Variants in VPS41 observed in about 807,000 individuals in gnomAD.
The protein encoded by VPS41 is vacuolar protein sorting-associated protein 41 homolog.
A neutral mutation model predicts 130.9 loss-of-function variants in VPS41; 85 were observed. The observed-to-expected ratio is 0.65, with a 90% CI of 0.55 to 0.78. The LOEUF is 0.78. Ranked by LOEUF, VPS41 falls within the 30% of genes least tolerant of loss-of-function variation. The pLI is 0.00. For synonymous variants in VPS41, 335 were observed against 332.9 expected (o/e 1.01, Z -0.07); for missense variants, 874 against 1,018.7 (o/e 0.86, Z 1.93).
At position 38,853,784 on chromosome 7, in the gene VPS41, G is replaced by A. The variant is rs372386466; in HGVS notation, c.246+8761C>T. 2.7e-4 allele frequency among the ~76,000 whole-genome samples: 41 copies of A among 152,270 alleles called. 1 individual carries two copies. The highest frequency in any genetic ancestry group is 8.4e-4 in the African/African-American group (35 of 41,550). ...TGACTTTGAAATATGTGAAATACCA[G>A]GGTAATTTCATTCAGTGAAGGAATA... is the stretch of plus-strand genomic sequence containing the variant. On this transcript the variant is annotated intron_variant, in intron 4 of 28. Coordinates refer to ENST00000310301, the MANE Select transcript of VPS41 (RefSeq NM_014396.4).
At chr7:38,887,865 G>A (rs1786769045) in intron 2 of VPS41, among the ~76,000 whole-genome samples, 1 of 152,086 alleles carries the variant, frequency 6.6e-6, no homozygotes, top group Admixed American at 6.5e-5. Context: ...AGAGAGTGGG[G>A]GCCAATATTC....
chr7:38,856,662 C>A (rs1250656559), intron 4 of VPS41, among the ~76,000 whole-genome samples: 1 of 152,084 alleles, frequency 6.6e-6, no homozygotes, highest in Non-Finnish European at 1.5e-5. Flanking sequence ...GGCAACTATC[C>A]TCCAAGACGT....
intron 2 of VPS41, among the ~76,000 whole-genome samples, chr7:38,873,548 C>T (rs1056222095): frequency 3.9e-5 from 6 of 152,092 alleles, no homozygotes; most frequent in African/African-American, 1.4e-4. Flanking sequence ...TTTAATAATC[C>T]TACAAACCTA....
At chr7:38,897,282 T>C (rs1463430810) in intron 2 of VPS41, among the ~76,000 whole-genome samples, 2 of 151,964 alleles carry the variant, frequency 1.3e-5, no homozygotes, top group South Asian at 2.1e-4. Context: ...CTTCCTTATA[T>C]ATTATTCTCC....
intron 4 of VPS41, 39 bp from the exon 5 acceptor site, chr7:38,830,367 G>A (rs1322243732): frequency 2.5e-6 from 3 of 1,178,274 alleles, no homozygotes; most frequent in Non-Finnish European, 3.8e-6. Context: ...AAAACTTCAG[G>A]AAAATATATA....
intron 18 of VPS41, among the ~76,000 whole-genome samples, chr7:38,757,226 T>C (rs1227638133): frequency 6.6e-6 from 1 of 152,188 alleles, no homozygotes; most frequent in African/African-American, 2.4e-5. Flanking sequence ...ATTCAAGTAA[T>C]AAAAATGGTC....
rs1795503309 is a variant in VPS41 at position 38,724,625 on chromosome 7, C to CTTTTTTTTTT, written c.*1620_*1621insAAAAAAAAAA. On this transcript the variant is annotated 3_prime_UTR_variant, in exon 29 of 29. Transcript: ENST00000310301. Reference sequence around the variant, plus strand: ...TTTTCTTTTTTGAGACGGAGTTTTGCTCTTGTTGCCCAGGCTGGAGTGCAA... The same window carrying CTTTTTTTTTT: ...TTTTCTTTTTTGAGACGGAGTTTTGCTTTTTTTTTTTCTTGTTGCCCAGGCTGGAGTGCAA... 7.9e-6 allele frequency: 1 copy of CTTTTTTTTTT among 125,890 alleles called. No individual in the cohort carries two copies. Among genetic ancestry groups the CTTTTTTTTTT allele is most frequent in the South Asian group, 3.3e-4 (1 of 3,024 alleles). The allele number at this position is 125,890 out of a possible 1,614,324, so 7.8% of individuals were successfully genotyped here.
intron 5 of VPS41, among the ~76,000 whole-genome samples, chr7:38,826,011 T>A (rs998455532): frequency 6.6e-6 from 1 of 152,116 alleles, no homozygotes; most frequent in African/African-American, 2.4e-5. Flanking sequence ...AAAATCAGAA[T>A]AGGGTGGACA....
At chr7:38,889,317 T>C (rs1372299785) in intron 2 of VPS41, among the ~76,000 whole-genome samples, 2 of 145,652 alleles carry the variant, frequency 1.4e-5, no homozygotes, top group East Asian at 4.1e-4. Context: ...ATAAAAGAAA[T>C]TCATGCCCAA....
At chr7:38,886,385 C>T (rs757438251) in intron 2 of VPS41, among the ~76,000 whole-genome samples, 1 of 152,230 alleles carries the variant, frequency 6.6e-6, no homozygotes, top group Non-Finnish European at 1.5e-5. Context: ...GCCCATGGAG[C>T]CTTACTCGCT....
chr7:38,891,782 G>C (rs1786873410), intron 2 of VPS41, among the ~76,000 whole-genome samples: 1 of 151,802 alleles, frequency 6.6e-6, no homozygotes, highest in Non-Finnish European at 1.5e-5. Flanking sequence ...CATTATATGG[G>C]TTATATGACT....
intron 2 of VPS41, among the ~76,000 whole-genome samples, chr7:38,886,810 C>T (rs1197184707): frequency 2.0e-5 from 3 of 152,108 alleles, no homozygotes; most frequent in Non-Finnish European, 2.9e-5. Flanking sequence ...CCCTCTGGGA[C>T]GAAGCTTCCA....
chr7:38,821,839 T>C (rs1312616680), intron 5 of VPS41, among the ~76,000 whole-genome samples: 2 of 152,192 alleles, frequency 1.3e-5, no homozygotes, highest in East Asian at 3.8e-4. Context: ...ACAAATTGTA[T>C]TAAATGCATG....
chr7:38,845,056 T>C (rs566164004), intron 4 of VPS41, among the ~76,000 whole-genome samples: 3 of 152,316 alleles, frequency 2.0e-5, no homozygotes, highest in African/African-American at 7.2e-5. Flanking sequence ...CAGGGAGGAT[T>C]TGAAGGGTTT....
chr7:38,890,208 T>C (rs959247909), intron 2 of VPS41, among the ~76,000 whole-genome samples: 4 of 152,104 alleles, frequency 2.6e-5, no homozygotes, highest in Admixed American at 2.0e-4. Context: ...CCTTAACATA[T>C]CATTACTTTA....
intron 11 of VPS41, among the ~76,000 whole-genome samples, chr7:38,776,003 C>A (rs544606527): frequency 5.9e-5 from 9 of 152,202 alleles, no homozygotes; most frequent in Admixed American, 2.6e-4. Flanking sequence ...GACCCCTGGA[C>A]TCTCATAATA....
rs143307380 is a variant in VPS41, at chr7:38,847,675, T to C, written c.246+14870A>G. Among the ~76,000 whole-genome samples, 256 of 152,324 alleles carry C rather than the reference T, an allele frequency of 1.7e-3. 1 individual carries two copies. Among genetic ancestry groups the C allele is most frequent in the Middle Eastern group, 0.014 (4 of 294 alleles). ...CAGACCCATGAAGGCTGCAGAGCTTTCTGAACATCTCAGCAGGGCCCATAA... is the reference window on the plus strand; with the variant it reads ...CAGACCCATGAAGGCTGCAGAGCTTCCTGAACATCTCAGCAGGGCCCATAA... On this transcript the variant is annotated intron_variant, in intron 4 of 28. Coordinates refer to ENST00000310301, the MANE Select transcript of VPS41 (RefSeq NM_014396.4).
intron 2 of VPS41, among the ~76,000 whole-genome samples, chr7:38,875,769 C>G (rs912482477): frequency 1.3e-5 from 2 of 152,196 alleles, no homozygotes; most frequent in African/African-American, 4.8e-5. Context: ...GCCTTTCCAT[C>G]AGACTGCTGA....
At chr7:38,764,485 T>C (rs1562577354) in intron 16 of VPS41, among the ~76,000 whole-genome samples, 1 of 151,762 alleles carries the variant, frequency 6.6e-6, no homozygotes, top group South Asian at 2.1e-4. Context: ...GAAGTGAGAG[T>C]CCAGACTTAT....
Sources: allele counts gnomAD v4.1 joint callset (sites outside exome capture counted in the v4.1 genomes callset), GRCh38; gene constraint gnomAD v4.1.1; transcripts MANE v1.5; gene names NCBI Gene and HGNC (gene_info 2026-07-23, HGNC 2026-07-21).